Variants in ZWILCH observed in about 807,000 individuals in gnomAD.
ZWILCH encodes the protein zwilch kinetochore protein.
In ZWILCH, 74 loss-of-function variants were observed where a neutral mutation model predicts 79.9. That is an observed-to-expected ratio of 0.93 (90% CI 0.77 to 1.12). The LOEUF (loss-of-function observed/expected upper bound fraction) is 1.12, where lower values mean the gene tolerates loss of function less well. Ranked by LOEUF, ZWILCH falls within the 50% of genes most tolerant of loss-of-function variation. The pLI, the probability that ZWILCH is intolerant of heterozygous loss-of-function variation, is 0.00. For missense variants in ZWILCH, 694 were observed against 687.5 expected (o/e 1.01, Z -0.11); for synonymous variants, 241 against 228.2 (o/e 1.06, Z -0.51).
At position 66,549,500 on chromosome 15, in the gene ZWILCH, A is replaced by G. The variant is rs1895514501; in HGVS notation, c.*1176A>G. 6.6e-6 allele frequency: 1 copy of G among 152,204 alleles called. No homozygotes were observed. Among genetic ancestry groups the G allele is most frequent in the Non-Finnish European group, 1.5e-5 (1 of 68,038 alleles). 9.4% of individuals were successfully genotyped at this position (152,204 alleles called of 1,614,324 possible). A position where few individuals can be genotyped will look rare whatever the true frequency, so the allele number is the denominator to read the frequency against. On this transcript the variant is annotated 3_prime_UTR_variant, in exon 19 of 19. Coordinates refer to ENST00000307897, the MANE Select transcript of ZWILCH (RefSeq NM_017975.5). ...AAAGAAACAAATAATATGTGTTGGC[A>G]TTTCTTGATGCATAGTTGCATCTTT...
chr15:66,510,633 G>T (rs1298395536), intron 2 of ZWILCH, among the ~76,000 whole-genome samples: 1 of 152,042 alleles, frequency 6.6e-6, no homozygotes, highest in Non-Finnish European at 1.5e-5. Flanking sequence ...TGCAAATTAG[G>T]CAGCTTCAAA....
chr15:66,520,720 A>G (rs1894461567), intron 6 of ZWILCH, 60 bp downstream of exon 6: 3 of 1,138,102 alleles, frequency 2.6e-6, no homozygotes, highest in African/African-American at 3.1e-5. Flanking sequence ...CTGCCTTCCT[A>G]GTTTACAGGT....
Position 66,510,202 on chromosome 15 carries a change from A to G in ZWILCH, c.105+1310A>G, listed in dbSNP as rs370708530. On this transcript the variant is annotated intron_variant, in intron 2 of 18. Transcript: ENST00000307897. Reference sequence around the variant, plus strand: ...CTAATAAAATAAAATAATAAAATAAAATAAATAAAATAAAATAAAATATAA... The same window carrying G: ...CTAATAAAATAAAATAATAAAATAAGATAAATAAAATAAAATAAAATATAA... Among the ~76,000 whole-genome samples, 82 of 146,998 alleles carry G rather than the reference A, an allele frequency of 5.6e-4. 1 individual carries two copies. The East Asian group carries it at 7.6e-3, about 14-fold the overall frequency.
At chr15:66,532,964 G>A (rs945878809) in intron 13 of ZWILCH, 21 bp from the exon 14 acceptor site, 1 of 1,539,928 alleles carries the variant, frequency 6.5e-7, no homozygotes, top group Non-Finnish European at 8.8e-7. Context: ...GTTTTTGCAT[G>A]TATGTGTTTT....
intron 4 of ZWILCH, among the ~76,000 whole-genome samples, 174 bp from the exon 5 acceptor site, chr15:66,518,705 G>A (rs2140760240): frequency 6.6e-6 from 1 of 152,274 alleles, no homozygotes; most frequent in Middle Eastern, 3.4e-3. Flanking sequence ...CAGCTATTTG[G>A]GAGGCTGAGA....
chr15:66,526,453 A>G (rs1006575151), intron 8 of ZWILCH, among the ~76,000 whole-genome samples: 1 of 150,876 alleles, frequency 6.6e-6, no homozygotes, highest in African/African-American at 2.5e-5. Context: ...TTTGCGGCCT[A>G]ACTTGACTGC....
At chr15:66,519,851 AC>A (rs1430062106) in intron 5 of ZWILCH, among the ~76,000 whole-genome samples, 7 of 152,152 alleles carry the variant, frequency 4.6e-5, no homozygotes, top group Admixed American at 4.6e-4. Context: ...AGGTTAGGGT[AC>A]CGTAGTGCAT....
intron 2 of ZWILCH, among the ~76,000 whole-genome samples, chr15:66,510,850 G>A (rs1214917437): frequency 6.6e-6 from 1 of 152,124 alleles, no homozygotes; most frequent in Non-Finnish European, 1.5e-5. Context: ...TATTCCCCCT[G>A]CGTGTCTATG....
At chr15:66,528,126 C>G (rs1894740551) in intron 10 of ZWILCH, among the ~76,000 whole-genome samples, 1 of 151,980 alleles carries the variant, frequency 6.6e-6, no homozygotes, top group Non-Finnish European at 1.5e-5. Context: ...TTTTTTGAGA[C>G]AAGGTCTTGC....
intron 15 of ZWILCH, among the ~76,000 whole-genome samples, chr15:66,536,485 T>C (rs1231123778): frequency 6.6e-6 from 1 of 152,218 alleles, no homozygotes; most frequent in African/African-American, 2.4e-5. Context: ...GCTGTAATTG[T>C]AGAGACTGCT....
chr15:66,533,726 A>ACGCG (rs1384542559), intron 14 of ZWILCH, among the ~76,000 whole-genome samples: 8 of 146,758 alleles, frequency 5.5e-5, no homozygotes, highest in Non-Finnish European at 7.6e-5. Flanking sequence ...ACACACACAC[A>ACGCG]CGCGCACACA....
intron 14 of ZWILCH, among the ~76,000 whole-genome samples, chr15:66,533,728 G>A (rs557704296): frequency 2.3e-4 from 35 of 150,878 alleles, no homozygotes; most frequent in South Asian, 1.9e-3. Context: ...ACACACACAC[G>A]CGCACACACA....
At chr15:66,512,242 T>C (rs1894094740) in intron 2 of ZWILCH, among the ~76,000 whole-genome samples, 1 of 152,152 alleles carries the variant, frequency 6.6e-6, no homozygotes, top group African/African-American at 2.4e-5. Flanking sequence ...GATATCTAAA[T>C]AGATACATTT....
intron 17 of ZWILCH, among the ~76,000 whole-genome samples, chr15:66,543,023 GGTA>G (rs1895241964): frequency 6.6e-6 from 1 of 151,992 alleles, no homozygotes; most frequent in Admixed American, 6.6e-5. Context: ...TTCTGTGGGA[GGTA>G]GTACCCATCA....
intron 2 of ZWILCH, among the ~76,000 whole-genome samples, chr15:66,511,592 A>G (rs1031455957): frequency 2.0e-5 from 3 of 151,962 alleles, no homozygotes; most frequent in Admixed American, 2.0e-4. Context: ...GTGAGATGGT[A>G]AAAATAAACA....
In ZWILCH at chr15:66,532,986, T is replaced by G. The variant is rs1894899836; in HGVS notation, c.1314T>G (p.Gly438=). The G allele has an allele frequency of 1.3e-6, 2 of 1,577,146 alleles. No individual in the cohort carries two copies. The highest frequency in any genetic ancestry group is 3.5e-5 in the Admixed American group (2 of 57,234). ...CATGTATGTGTTTTTTCTTAATAGG[T>G]CAGGAACTTGCATCTTTGAATCATT... The part of the protein sequence containing the change: ...LKKDYISFFI[G]QELASLNHLE... Residue 438 remains glycine, a splice_region_variant and synonymous_variant, in exon 14 of 19, where the codon GGT becomes GGG. Coordinates refer to ENST00000307897, the MANE Select transcript of ZWILCH (RefSeq NM_017975.5).
intron 17 of ZWILCH, among the ~76,000 whole-genome samples, chr15:66,541,428 A>G (rs1236458735): frequency 6.6e-6 from 1 of 152,176 alleles, no homozygotes; most frequent in Admixed American, 6.5e-5. Context: ...AACTTTTACT[A>G]AAAGAGATCA....
At chr15:66,529,066 C>G (rs1894779987) in intron 11 of ZWILCH, 109 bp downstream of exon 11, 2 of 804,220 alleles carry the variant, frequency 2.5e-6, no homozygotes, top group African/African-American at 3.4e-5. Flanking sequence ...AAGTCTGGTT[C>G]TTAACTTTAT....
intron 14 of ZWILCH, among the ~76,000 whole-genome samples, chr15:66,535,445 G>A (rs113631817): frequency 0.19 from 28,831 of 152,046 alleles, 3,175 homozygotes; most frequent in Middle Eastern, 0.28. Context: ...GGAGGCTGAG[G>A]CAGACAGATC....
Sources: gnomAD v4.1 joint callset for allele counts (sites outside exome capture counted in the v4.1 genomes callset) on GRCh38, gnomAD v4.1.1 for gene constraint, MANE v1.5 for transcripts, NCBI Gene and HGNC (gene_info 2026-07-23, HGNC 2026-07-21) for gene names.